PTPRS: variants seen among roughly 807,000 people sequenced by gnomAD.
PTPRS encodes protein tyrosine phosphatase receptor type S.
A neutral mutation model predicts 215.3 loss-of-function variants in PTPRS; 63 were observed. The ratio of observed to expected loss-of-function variants is 0.29; its 90% CI spans 0.24 to 0.36. PTPRS has a LOEUF of 0.36. PTPRS is among the 10% of genes least tolerant of loss of function. The pLI, the probability that PTPRS is intolerant of heterozygous loss-of-function variation, is 1.00. For missense variants in PTPRS, 2,258 were observed against 2,825.8 expected (o/e 0.80, Z 4.56); for synonymous variants, 1,404 against 1,191.4 (o/e 1.18, Z -3.68).
Position 5,210,305 on chromosome 19 carries a change from C to T in PTPRS, c.5487+164G>A, listed in dbSNP as rs2040752554. Among the ~76,000 whole-genome samples the T allele has an allele frequency of 6.6e-6, 1 of 152,212 alleles. No homozygotes were observed. The highest frequency in any genetic ancestry group is 1.5e-5 in the Non-Finnish European group (1 of 68,036). On this transcript the variant is annotated intron_variant, in intron 35 of 37. Coordinates refer to ENST00000262963, the MANE Select transcript of PTPRS (RefSeq NM_002850.4). The surrounding 1 kb of genome is among the most constrained non-coding windows in gnomAD (Gnocchi z 4.5). ...CACAGAGATAAGACCCTCTCTTCCA[C>T]CTATGTGGCAGTAGAAGCAAGTGGC... is the stretch of plus-strand genomic sequence containing the variant.
At chr19:5,241,062 G>A (rs1599630576) in intron 11 of PTPRS, among the ~76,000 whole-genome samples, 1 of 150,144 alleles carries the variant, frequency 6.7e-6, no homozygotes, top group East Asian at 2.1e-4. Context: ...GCTAACTTTT[G>A]TATTTTTAGT....
chr19:5,280,950 C>T (rs1249970823), intron 2 of PTPRS, among the ~76,000 whole-genome samples: 1 of 151,788 alleles, frequency 6.6e-6, no homozygotes, highest in South Asian at 2.1e-4. Context: ...CACCACAACA[C>T]CCAGCTGATT....
At chr19:5,262,919 G>A (rs1386291601) in intron 6 of PTPRS, 45 bp downstream of exon 6, 2 of 1,552,200 alleles carry the variant, frequency 1.3e-6, no homozygotes, top group Admixed American at 1.8e-5. Context: ...GGGCACAAAG[G>A]GGATGGGGCG....
Position 5,210,587 on chromosome 19 carries a change from C to T in PTPRS, c.5369G>A (p.Cys1790Tyr). 6 of 1,614,214 alleles carry T rather than the reference C, an allele frequency of 3.7e-6. No homozygotes were observed. The highest frequency in any genetic ancestry group is 5.1e-6 in the Non-Finnish European group (6 of 1,180,030). ...GCGCTCGGCCGGCCAGTACTGGTGA[C>T]ACTTCTCCTGTGGAGGAGATGGCGG... The part of the protein sequence containing the change: ...TKLREMGREK[C>Y]HQYWPAERSA... Residue 1790 changes from cysteine to tyrosine, a missense_variant, in exon 35 of 38, where the codon TGT becomes TAT. Cys to Tyr is a radical substitution (Grantham distance 194). Coordinates refer to ENST00000262963, the MANE Select transcript of PTPRS (RefSeq NM_002850.4). This position sits in a 1 kb window ranked among gnomAD's most constrained non-coding sequence, Gnocchi z 4.5.
chr19:5,340,283 C>G (rs1208413685), intron 1 of PTPRS, among the ~76,000 whole-genome samples: 1 of 150,516 alleles, frequency 6.6e-6, no homozygotes, highest in African/African-American at 2.4e-5. Flanking sequence ...ACACGCGCGC[C>G]CCCCTCCGCG....
chr19:5,230,918 A>G (rs932791201), intron 14 of PTPRS, among the ~76,000 whole-genome samples: 1 of 152,158 alleles, frequency 6.6e-6, no homozygotes, highest in Non-Finnish European at 1.5e-5. Flanking sequence ...ACACCATGGA[A>G]ATTGGCCAAT....
At chr19:5,222,086 C>T (rs1348087368) in intron 19 of PTPRS, 37 bp downstream of exon 19, 3 of 1,374,374 alleles carry the variant, frequency 2.2e-6, no homozygotes, top group South Asian at 1.3e-5. Flanking sequence ...ACCCCTGACC[C>T]TGCCTGCCTG....
chr19:5,333,503 T>TCACACACA (rs35443727), intron 1 of PTPRS, among the ~76,000 whole-genome samples: 16 of 147,824 alleles, frequency 1.1e-4, no homozygotes, highest in South Asian at 4.3e-4. Context: ...GTGAGTCCTG[T>TCACACACA]CACACACACA....
chr19:5,210,097 CCCA>C lies in PTPRS; in HGVS notation c.5487+369_5487+371del, dbSNP rs780044780. Among the ~76,000 whole-genome samples the C allele has an allele frequency of 1.3e-4, 20 of 152,286 alleles. No individual in the cohort carries two copies. In the East Asian group the frequency reaches 3.9e-3, roughly 29 times the overall value. On this transcript the variant is annotated intron_variant, in intron 35 of 37. Transcript: ENST00000262963. The surrounding 1 kb of genome is among the most constrained non-coding windows in gnomAD (Gnocchi z 4.5). ...CTCTCCTCACCCAACGGTGCCAGTCCCCACCATCTGACTCTCCTTGTCCACCGT... is the reference window on the plus strand; with the variant it reads ...CTCTCCTCACCCAACGGTGCCAGTCCCCATCTGACTCTCCTTGTCCACCGT...
Position 5,251,875 on chromosome 19 carries a change from A to T in PTPRS, c.718+4233T>A, listed in dbSNP as rs2045123118. ...AGGCGTGGCCAGGTATAGTAAGCAC[A>T]AACTAGGGAGCTGGCCAACACACCT... On this transcript the variant is annotated intron_variant, in intron 9 of 37. Transcript: ENST00000262963. Among the ~76,000 whole-genome samples, 3 of 152,194 alleles carry T rather than the reference A, an allele frequency of 2.0e-5. No homozygotes were observed. The South Asian group carries it at 6.2e-4, about 32-fold the overall frequency.
rs1213233007 is a variant in PTPRS at position 5,208,293 on chromosome 19, T to G, written c.5586A>C (p.Gln1862His). The change falls in exon 36 of 38, where the codon CAA becomes CAC. Residue 1862 changes from glutamine (Q) to histidine (H), a missense_variant. Gln to His is a conservative substitution (Grantham distance 24, BLOSUM62 0). This residue lies in a region of PTPRS where 2 missense variants were observed against 17.2 expected (regional missense o/e 0.12). Coordinates refer to ENST00000262963, the MANE Select transcript of PTPRS (RefSeq NM_002850.4). ...SGEGFIDFIG[Q>H]VHKTKEQFGQ... ...CAAACTGCTCCTTAGTCTTATGCAC[T>G]TGGCCAATGAAGTCGATGAAGCCCT... 6.2e-7 allele frequency: 1 copy of G among 1,613,842 alleles called. No individual in the cohort carries two copies. Among genetic ancestry groups the G allele is most frequent in the Non-Finnish European group, 8.5e-7 (1 of 1,179,892 alleles).
rs71743139 is a variant in PTPRS at position 5,205,982 on chromosome 19, G to GAA, written c.*790_*791dup. Among the ~76,000 whole-genome samples, 77 of 132,068 alleles carry GAA rather than the reference G, an allele frequency of 5.8e-4. No homozygotes were observed. The South Asian group carries it at 6.0e-3, about 10-fold the overall frequency. The allele number at this position is 132,068 out of a possible 152,430, so 86.6% of individuals were successfully genotyped here. ...TTTATAAAAATGAAACAAAAAGGGG[G>GAA]AAAAAAAAAGCCAAGAAAGAAAAAA... On this transcript the variant is annotated 3_prime_UTR_variant, in exon 38 of 38. Transcript: ENST00000262963.
chr19:5,330,885 C>A (rs1359994137), intron 1 of PTPRS, among the ~76,000 whole-genome samples: 1 of 152,088 alleles, frequency 6.6e-6, no homozygotes, highest in Non-Finnish European at 1.5e-5. Flanking sequence ...AGCACTGTTG[C>A]CGGAAACCCC....
chr19:5,259,299 C>A (rs534944965), intron 7 of PTPRS, among the ~76,000 whole-genome samples: 22 of 152,222 alleles, frequency 1.4e-4, no homozygotes, highest in Non-Finnish European at 2.6e-4. Context: ...AAAGACTTCA[C>A]TTTCCATGAA....
chr19:5,256,561 G>A (rs139044293), intron 8 of PTPRS, among the ~76,000 whole-genome samples: 2 of 151,900 alleles, frequency 1.3e-5, no homozygotes, highest in Admixed American at 1.3e-4. Context: ...CCCCACACCC[G>A]CTGTCCACAC....
At chr19:5,313,766 C>A (rs1341027177) in intron 1 of PTPRS, among the ~76,000 whole-genome samples, 1 of 152,048 alleles carries the variant, frequency 6.6e-6, no homozygotes, top group Admixed American at 6.6e-5. Context: ...ACCGTTCAAT[C>A]CATGCTTAAG....
At chr19:5,314,853 G>C (rs965967897) in intron 1 of PTPRS, among the ~76,000 whole-genome samples, 1 of 152,180 alleles carries the variant, frequency 6.6e-6, no homozygotes, top group Non-Finnish European at 1.5e-5. Context: ...AGGGGCTTCA[G>C]ATGAACCTCA....
intron 1 of PTPRS, among the ~76,000 whole-genome samples, chr19:5,335,158 A>G (rs1162419633): frequency 1.3e-5 from 2 of 152,158 alleles, no homozygotes; most frequent in Non-Finnish European, 2.9e-5. Context: ...CGAGGGTCCC[A>G]GGCTTCCAGA....
intron 6 of PTPRS, 119 bp from the exon 7 acceptor site, chr19:5,260,941 G>A: frequency 2.4e-6 from 3 of 1,238,792 alleles, no homozygotes; most frequent in East Asian, 5.0e-5. Context: ...CCCCAGGGAG[G>A]GGATCGAGCC....
Sources: allele counts gnomAD v4.1 joint callset (sites outside exome capture counted in the v4.1 genomes callset), GRCh38; gene constraint gnomAD v4.1.1; regional missense constraint gnomAD v4.1.1; non-coding constraint Gnocchi (gnomAD v3.1); transcripts MANE v1.5; gene names NCBI Gene and HGNC (gene_info 2026-07-23, HGNC 2026-07-21).